Variants in CFAP221 observed in about 807,000 individuals in gnomAD.
The protein encoded by CFAP221 is cilia- and flagella-associated protein 221.
A neutral mutation model predicts 113.1 loss-of-function variants in CFAP221; 97 were observed. That is an observed-to-expected ratio of 0.86 (90% confidence interval 0.73 to 1.02). The LOEUF (loss-of-function observed/expected upper bound fraction) is 1.02, where lower values mean the gene tolerates loss of function less well. CFAP221 is among the 50% of genes least tolerant of loss of function. The pLI is 0.00. For missense variants in CFAP221, 1,025 were observed against 1,013.4 expected (o/e 1.01, Z -0.16); for synonymous variants, 331 against 354.4 (o/e 0.93, Z 0.74).
At chr2:119,546,645 C>G (rs1222163413) in intron 2 of CFAP221, among the ~76,000 whole-genome samples, 1 of 152,102 alleles carries the variant, frequency 6.6e-6, no homozygotes, top group Non-Finnish European at 1.5e-5. Context: ...CCCAACAGTC[C>G]CCCTTGCATA....
At chr2:119,601,598 AG>A in intron 8 of CFAP221, 1 of 457,282 alleles carries the variant, frequency 2.2e-6, no homozygotes, top group Admixed American at 4.0e-5. Context: ...AACAAGAAAA[AG>A]GGATTTTTGA....
rs924923951 is a variant in CFAP221 at position 119,646,887 on chromosome 2, G to T, written c.2226-71G>T. On this transcript the variant is annotated intron_variant, in intron 21 of 23. Transcript: ENST00000413369. ...CCAGCAGTAAAATAAAAATTCTTTA[G>T]AAAATTATGTAAAGACCCCAAGACT... The T allele has an allele frequency of 5.8e-6, 8 of 1,384,030 alleles. No individual in the cohort carries two copies. The African/African-American group carries it at 7.3e-5, about 13-fold the overall frequency. 85.7% of individuals were successfully genotyped at this position (1,384,030 alleles called of 1,614,324 possible). A position where few individuals can be genotyped will look rare whatever the true frequency, so the allele number is the denominator to read the frequency against.
intron 3 of CFAP221, among the ~76,000 whole-genome samples, chr2:119,550,367 G>A (rs1368973419): frequency 6.6e-6 from 1 of 152,214 alleles, no homozygotes; most frequent in African/African-American, 2.4e-5. Flanking sequence ...AAAGAACAGA[G>A]GAGAACACAG....
chr2:119,615,702 C>G lies in CFAP221; in HGVS notation c.1403C>G (p.Ala468Gly), dbSNP rs1209240687. 2 of 1,608,910 alleles carry G rather than the reference C, an allele frequency of 1.2e-6. No individual in the cohort carries two copies. Among genetic ancestry groups the G allele is most frequent in the Middle Eastern group, 1.7e-4 (1 of 6,052 alleles). The change falls in exon 14 of 24, where the codon GCA becomes GGA. Residue 468 changes from alanine to glycine, a missense_variant. Physicochemically the swap from Ala to Gly is moderately conservative, Grantham distance 60. Transcript: ENST00000413369. ...SRAQKRFQQV[A>G]RKVMIQGRLF... Reference sequence around the variant, plus strand: ...GCACAAAAACGGTTTCAACAAGTAGCACGCAAGGTAAGTCTCAGCACCAGC... The same window carrying G: ...GCACAAAAACGGTTTCAACAAGTAGGACGCAAGGTAAGTCTCAGCACCAGC...
intron 21 of CFAP221, among the ~76,000 whole-genome samples, chr2:119,645,793 G>A (rs1033533295): frequency 1.3e-5 from 2 of 152,088 alleles, no homozygotes; most frequent in African/African-American, 4.8e-5. Context: ...TTCCGAGTGG[G>A]CTCCAGGCTC....
intron 3 of CFAP221, among the ~76,000 whole-genome samples, chr2:119,549,427 C>T (rs570948357): frequency 2.6e-5 from 4 of 152,312 alleles, no homozygotes; most frequent in South Asian, 4.1e-4. Flanking sequence ...TGCTGAGTGA[C>T]TCATAGGGGC....
intron 10 of CFAP221, 46 bp from the exon 11 acceptor site, chr2:119,605,135 T>C: frequency 1.3e-6 from 2 of 1,546,890 alleles, no homozygotes; most frequent in Non-Finnish European, 1.8e-6. Flanking sequence ...CCGCACATGA[T>C]TTTAATCTGA....
chr2:119,570,538 T>C (rs898773803), intron 6 of CFAP221, among the ~76,000 whole-genome samples: 1 of 152,226 alleles, frequency 6.6e-6, no homozygotes, highest in Non-Finnish European at 1.5e-5. Context: ...TCTCAAACTT[T>C]CCAGCCTCAG....
At chr2:119,628,860 A>G (rs1686558881) in intron 16 of CFAP221, among the ~76,000 whole-genome samples, 1 of 152,186 alleles carries the variant, frequency 6.6e-6, no homozygotes, top group Non-Finnish European at 1.5e-5. Flanking sequence ...CTCGATAATT[A>G]ATGGGGTGAA....
In CFAP221 at chr2:119,602,642, T is replaced by G. The variant is rs1018584982; in HGVS notation, c.791+1265T>G. On this transcript the variant is annotated intron_variant, in intron 8 of 23. Coordinates refer to ENST00000413369, the MANE Select transcript of CFAP221 (RefSeq NM_001271049.2). ...GCAGCCTAAGTCAACTGTAGGATAT[T>G]AGTGTGGCCTGCTGAACCCAAATCC... The G allele has an allele frequency of 6.1e-6, 6 of 985,268 alleles. No individual in the cohort carries two copies. The African/African-American group carries it at 1.0e-4, about 17-fold the overall frequency. 61.0% of individuals were successfully genotyped at this position (985,268 alleles called of 1,614,324 possible). A position where few individuals can be genotyped will look rare whatever the true frequency, so the allele number is the denominator to read the frequency against.
At chr2:119,655,012 C>T (rs1422303989) in intron 23 of CFAP221, among the ~76,000 whole-genome samples, 1 of 152,190 alleles carries the variant, frequency 6.6e-6, no homozygotes, top group African/African-American at 2.4e-5. Context: ...CAGAAGCCAA[C>T]AGAGTCCTCC....
chr2:119,605,114 T>A, intron 10 of CFAP221, 67 bp from the exon 11 acceptor site: 4 of 1,491,468 alleles, frequency 2.7e-6, no homozygotes, highest in Non-Finnish European at 3.7e-6. Flanking sequence ...ATTAGAAATG[T>A]GTTTTTCTCT....
intron 8 of CFAP221, among the ~76,000 whole-genome samples, chr2:119,604,252 G>A (rs1363898700): frequency 6.6e-6 from 1 of 152,034 alleles, no homozygotes; most frequent in Non-Finnish European, 1.5e-5. Context: ...TGGCCAACAT[G>A]GTGAAACCCC....
chr2:119,573,949 A>G (rs1421282065), intron 6 of CFAP221, among the ~76,000 whole-genome samples: 1 of 152,240 alleles, frequency 6.6e-6, no homozygotes, highest in African/African-American at 2.4e-5. Flanking sequence ...AGTGGGCGCC[A>G]CCTTGATATA....
intron 11 of CFAP221, among the ~76,000 whole-genome samples, chr2:119,605,725 A>AG (rs1385801775): frequency 6.6e-6 from 1 of 152,158 alleles, no homozygotes; most frequent in African/African-American, 2.4e-5. Context: ...CTGAGATGTG[A>AG]GAATTCTTGT....
chr2:119,631,025 C>T (rs1686739639), intron 19 of CFAP221, 124 bp downstream of exon 19: 5 of 1,458,446 alleles, frequency 3.4e-6, no homozygotes. Flanking sequence ...TAAACAATAT[C>T]TGACCTTTAA....
chr2:119,643,092 G>T (rs2104797034), intron 21 of CFAP221, among the ~76,000 whole-genome samples: 1 of 152,300 alleles, frequency 6.6e-6, no homozygotes, highest in South Asian at 2.1e-4. Flanking sequence ...CACCTGGCCT[G>T]GGAGTTATGT....
chr2:119,595,652 C>T (rs917366735), intron 7 of CFAP221, among the ~76,000 whole-genome samples: 1 of 152,092 alleles, frequency 6.6e-6, no homozygotes, highest in Non-Finnish European at 1.5e-5. Flanking sequence ...CTGCAGAGAG[C>T]AAGACAGACC....
chr2:119,569,539 A>G (rs1266464596), intron 6 of CFAP221, among the ~76,000 whole-genome samples: 1 of 151,752 alleles, frequency 6.6e-6, no homozygotes, highest in East Asian at 1.9e-4. Flanking sequence ...GATGTCTGAC[A>G]TTCATTTATG....
Sources: allele counts gnomAD v4.1 joint callset (sites outside exome capture counted in the v4.1 genomes callset), GRCh38; gene constraint gnomAD v4.1.1; transcripts MANE v1.5; gene names NCBI Gene and HGNC (gene_info 2026-07-23, HGNC 2026-07-21).